CD247: variants seen among roughly 807,000 people sequenced by gnomAD.
CD247 encodes the protein CD247 molecule.
A neutral mutation model predicts 30.0 loss-of-function variants in CD247; 13 were observed. The ratio of observed to expected loss-of-function variants is 0.43; its 90% CI spans 0.28 to 0.69. The LOEUF is 0.69. Among genes scored for constraint, CD247 ranks in the 30% least tolerant of loss-of-function variants. CD247 has a pLI of 0.16. For synonymous variants in CD247, 72 were observed against 80.0 expected, an observed-to-expected ratio of 0.90 and a Z score of 0.53; for missense variants, 193 against 212.6, an observed-to-expected ratio of 0.91 and a Z score of 0.57.
intron 1 of CD247, chr1:167,459,733 G>T (rs1652907596): frequency 6.6e-6 from 1 of 152,180 alleles, no homozygotes; most frequent in African/African-American, 2.4e-5. Context: ...GAAGGTTGAA[G>T]AAAAACATGA....
At chr1:167,485,381 C>T (rs1451000012) in intron 1 of CD247, among the ~76,000 whole-genome samples, 1 of 152,152 alleles carries the variant, frequency 6.6e-6, no homozygotes, top group Non-Finnish European at 1.5e-5. Flanking sequence ...ATGGGATGGC[C>T]TGACCGCTTG....
chr1:167,506,244 TC>T (rs60657892), intron 1 of CD247, among the ~76,000 whole-genome samples: 67,753 of 111,672 alleles, frequency 0.61, 16,900 homozygotes, highest in East Asian at 0.73. Context: ...TCTTTTCTTT[TC>T]CTTTTCTTTT....
At chr1:167,433,766 C>T (rs574637808) in intron 6 of CD247, among the ~76,000 whole-genome samples, 4 of 152,346 alleles carry the variant, frequency 2.6e-5, no homozygotes, top group African/African-American at 7.2e-5. Flanking sequence ...GTTATTAAAA[C>T]GGACCTGCTT....
intron 4 of CD247, among the ~76,000 whole-genome samples, chr1:167,435,938 C>T (rs1022806387): frequency 3.3e-5 from 5 of 152,206 alleles, no homozygotes; most frequent in African/African-American, 1.2e-4. Flanking sequence ...TTCACTCTAG[C>T]AACAACACAA....
Position 167,514,837 on chromosome 1 carries a change from A to G in CD247, c.58+3571T>C, listed in dbSNP as rs374840618. ...CGTGTTTGGACAACTCTAATCTAAG[A>G]GAGTTCCCTCAGGGCAACTGGACCC... On this transcript the variant is annotated intron_variant, in intron 1 of 7. Transcript: ENST00000362089. 8.6e-4 allele frequency among the ~76,000 whole-genome samples: 131 copies of G among 152,334 alleles called. 1 individual carries two copies. Among genetic ancestry groups the G allele is most frequent in the African/African-American group, 3.0e-3 (125 of 41,576 alleles).
chr1:167,490,736 C>A (rs1055445005), intron 1 of CD247, among the ~76,000 whole-genome samples: 6 of 152,062 alleles, frequency 3.9e-5, no homozygotes, highest in African/African-American at 1.2e-4. Flanking sequence ...AATTCGAGAC[C>A]AGCCTTCGTC....
At chr1:167,476,822 A>G (rs1353192129) in intron 1 of CD247, among the ~76,000 whole-genome samples, 1 of 152,200 alleles carries the variant, frequency 6.6e-6, no homozygotes, top group South Asian at 2.1e-4. Flanking sequence ...AATAACATCT[A>G]ACACATATAG....
At chr1:167,433,632 T>A (rs1439385153) in intron 6 of CD247, among the ~76,000 whole-genome samples, 1 of 151,818 alleles carries the variant, frequency 6.6e-6, no homozygotes, top group Non-Finnish European at 1.5e-5. Flanking sequence ...TTCTTAATTG[T>A]TGATGAACAA....
In CD247 at chr1:167,474,007, G is replaced by T. The variant is rs146379992; in HGVS notation, c.59-33240C>A. Among the ~76,000 whole-genome samples the T allele has an allele frequency of 3.4e-4, 52 of 152,068 alleles. No individual in the cohort carries two copies. The East Asian group carries it at 9.9e-3, about 29-fold the overall frequency. ...TTCATCTTGTACTTGTCTCTGGAGG[G>T]CTCTGCCTGCTCTGCACACCCTCTC... On this transcript the variant is annotated intron_variant, in intron 1 of 7. Transcript: ENST00000362089.
At chr1:167,456,822 G>C (rs1021618939) in intron 1 of CD247, among the ~76,000 whole-genome samples, 2 of 152,228 alleles carry the variant, frequency 1.3e-5, no homozygotes, top group African/African-American at 4.8e-5. Context: ...TCTTCTGTCA[G>C]AGAAGCACCC....
chr1:167,463,822 C>G (rs2102035000), intron 1 of CD247, among the ~76,000 whole-genome samples: 1 of 152,318 alleles, frequency 6.6e-6, no homozygotes, highest in Admixed American at 6.5e-5. Flanking sequence ...ATTCATTTGG[C>G]TAATGAATTT....
chr1:167,484,740 G>T (rs183919197), intron 1 of CD247, among the ~76,000 whole-genome samples: 1 of 152,314 alleles, frequency 6.6e-6, no homozygotes, highest in Non-Finnish European at 1.5e-5. Flanking sequence ...TCGCGCCACC[G>T]CAGTCCAGCC....
chr1:167,434,827 G>A lies in CD247; in HGVS notation c.336+572C>T, dbSNP rs533503978. The A allele has an allele frequency of 2.3e-4, 107 of 458,636 alleles. 1 individual carries two copies. The highest frequency in any genetic ancestry group is 1.6e-3 in the South Asian group (106 of 64,524). 28.4% of individuals were successfully genotyped at this position (458,636 alleles called of 1,614,324 possible). A position where few individuals can be genotyped will look rare whatever the true frequency, so the allele number is the denominator to read the frequency against. ...AGGTGCTGCTGCAGGCCGCAAGCAG[G>A]TGAGACATTACTCGATCCAAGAAGG... On this transcript the variant is annotated intron_variant, in intron 5 of 7. Coordinates refer to ENST00000362089, the MANE Select transcript of CD247 (RefSeq NM_198053.3).
chr1:167,457,679 T>C (rs1317258311), intron 1 of CD247: 1 of 152,298 alleles, frequency 6.6e-6, no homozygotes, highest in African/African-American at 2.4e-5. Context: ...CAAGCCTTTC[T>C]TAGCTTTCAT....
chr1:167,459,353 T>C (rs1252472829), intron 1 of CD247, among the ~76,000 whole-genome samples: 13 of 137,584 alleles, frequency 9.4e-5, no homozygotes, highest in African/African-American at 3.5e-4. Flanking sequence ...CAACTCTTTT[T>C]TTTTTTTTTT....
chr1:167,467,793 T>C (rs780431043), intron 1 of CD247, among the ~76,000 whole-genome samples: 1 of 152,172 alleles, frequency 6.6e-6, no homozygotes, highest in Non-Finnish European at 1.5e-5. Context: ...AGGGCCTCCG[T>C]CTGGTCGGTT....
At chr1:167,444,930 C>T (rs1193161013) in intron 1 of CD247, among the ~76,000 whole-genome samples, 1 of 144,456 alleles carries the variant, frequency 6.9e-6, no homozygotes, top group African/African-American at 2.5e-5. Flanking sequence ...AAATACGATA[C>T]TTTTTTTTTT....
intron 1 of CD247, among the ~76,000 whole-genome samples, chr1:167,507,657 G>A (rs796915912): frequency 6.6e-6 from 1 of 151,974 alleles, no homozygotes; most frequent in African/African-American, 2.4e-5. Context: ...GCAACGTAGT[G>A]AGAACCTGTA....
At chr1:167,436,842 A>G (rs1185808793) in intron 4 of CD247, among the ~76,000 whole-genome samples, 2 of 152,180 alleles carry the variant, frequency 1.3e-5, no homozygotes. Flanking sequence ...GTTGGCAAGG[A>G]TGGAGAGAAA....
Sources: allele counts gnomAD v4.1 joint callset (sites outside exome capture counted in the v4.1 genomes callset), GRCh38; gene constraint gnomAD v4.1.1; transcripts MANE v1.5; gene names NCBI Gene and HGNC (gene_info 2026-07-23, HGNC 2026-07-21).